Variants in ECHDC2 observed in about 807,000 individuals in gnomAD.
The protein encoded by ECHDC2 is enoyl-CoA hydratase domain containing 2.
Under a neutral mutation model 40.6 loss-of-function variants are expected in ECHDC2, and 34 were observed. That is an observed-to-expected ratio of 0.84 (90% CI 0.64 to 1.11). ECHDC2 has a LOEUF of 1.11. Among genes scored for constraint, ECHDC2 ranks in the 50% most tolerant of loss-of-function variants. The pLI is 0.00. For synonymous variants in ECHDC2, 162 were observed against 166.6 expected, an observed-to-expected ratio of 0.97 and a Z score of 0.21; for missense variants, 392 against 400.7, an observed-to-expected ratio of 0.98 and a Z score of 0.19.
intron 7 of ECHDC2, chr1:52,899,554 A>G: frequency 3.3e-6 from 1 of 306,166 alleles, no homozygotes; most frequent in South Asian, 4.6e-5. Context: ...GGCTGGTGTC[A>G]TCACTGATGA....
intron 3 of ECHDC2, among the ~76,000 whole-genome samples, chr1:52,910,649 G>A (rs1314135744): frequency 6.6e-6 from 1 of 152,078 alleles, no homozygotes; most frequent in African/African-American, 2.4e-5. Flanking sequence ...GATTACAGGC[G>A]TGAGCCACTG....
chr1:52,906,727 G>C, intron 4 of ECHDC2, 116 bp from the exon 5 acceptor site: 1 of 678,922 alleles, frequency 1.5e-6, no homozygotes, highest in Non-Finnish European at 2.5e-6. Context: ...CCAGGTCTGG[G>C]GACATTACAT....
chr1:52,921,257 G>A, intron 1 of ECHDC2: 1 of 400,750 alleles, frequency 2.5e-6, no homozygotes, highest in Non-Finnish European at 4.0e-6. Flanking sequence ...CCTGGGGGCC[G>A]CGGGGCCCAG....
At chr1:52,915,091 G>A (rs1358806370) in intron 1 of ECHDC2, 2 of 396,402 alleles carry the variant, frequency 5.0e-6, no homozygotes, top group Non-Finnish European at 1.0e-5. Flanking sequence ...TCTAGTCAGG[G>A]TGTGGGGAAG....
In ECHDC2 at chr1:52,906,574, CCCAT is replaced by C; in HGVS notation, c.398_401del (p.Asp133GlyfsTer8). 1.2e-6 allele frequency: 2 copies of C among 1,612,570 alleles called. No homozygotes were observed. Among genetic ancestry groups the C allele is most frequent in the Non-Finnish European group, 1.7e-6 (2 of 1,179,750 alleles). On this transcript the variant is annotated frameshift_variant, in exon 5 of 10. Transcript: ENST00000371522. LOFTEE classifies it high-confidence loss of function. Reference sequence around the variant, plus strand: ...GCTCTAGGCCTCCGCCCAAGGCAAACCCATCCATAGCCGCAATGGTGGGTGCAGG... The same window carrying C: ...GCTCTAGGCCTCCGCCCAAGGCAAACCCATAGCCGCAATGGTGGGTGCAGG...
In ECHDC2 at chr1:52,905,015, G is replaced by A. The variant is rs565362666; in HGVS notation, c.514+19C>T. 1 of 1,614,132 alleles carries A rather than the reference G, an allele frequency of 6.2e-7. No homozygotes were observed. The highest frequency in any genetic ancestry group is 1.3e-5 in the African/African-American group (1 of 75,038). ...CCCTGGATGGGGTGGAATTGGGCGG[G>A]TGCTGTAGTTGCGATTACCTGCCCC... On this transcript the variant is annotated intron_variant, in intron 6 of 9. Coordinates refer to ENST00000371522, the MANE Select transcript of ECHDC2 (RefSeq NM_001198961.2).
At chr1:52,907,656 G>T in intron 4 of ECHDC2, 1 of 540,236 alleles carries the variant, frequency 1.9e-6, no homozygotes, top group Non-Finnish European at 3.3e-6. Flanking sequence ...AACCCTGAGG[G>T]TGGGGCGGGA....
intron 1 of ECHDC2, among the ~76,000 whole-genome samples, chr1:52,919,549 C>G (rs950626623): frequency 1.3e-5 from 2 of 152,158 alleles, no homozygotes; most frequent in Non-Finnish European, 2.9e-5. Flanking sequence ...TGATGCATTT[C>G]TCAGAATGTA....
In ECHDC2 at chr1:52,915,204, G is replaced by A. The variant is rs184309020; in HGVS notation, c.122-3414C>T. 10 of 456,004 alleles carry A rather than the reference G, an allele frequency of 2.2e-5. No individual in the cohort carries two copies. The East Asian group carries it at 2.8e-4, about 13-fold the overall frequency. 28.2% of individuals were successfully genotyped at this position (456,004 alleles called of 1,614,324 possible). On this transcript the variant is annotated intron_variant, in intron 1 of 9. Coordinates refer to ENST00000371522, the MANE Select transcript of ECHDC2 (RefSeq NM_001198961.2). ...GGACATTTCAGGTCTTCCCAGGGCT[G>A]AAATCCAGCAGGTGCCCAGAGGAGT... is the stretch of plus-strand genomic sequence containing the variant.
At chr1:52,907,041 A>G (rs1389234267) in intron 4 of ECHDC2, 1 of 148,628 alleles carries the variant, frequency 6.7e-6, no homozygotes, top group Non-Finnish European at 1.5e-5. Context: ...TCAGCCTCCC[A>G]AACTGCTGGG....
chr1:52,907,692 CCTCT>C, intron 4 of ECHDC2, 172 bp downstream of exon 4: 1 of 577,852 alleles, frequency 1.7e-6, no homozygotes, highest in Non-Finnish European at 3.0e-6. Flanking sequence ...GCCAGAACTC[CCTCT>C]CTGAGAGAAC....
chr1:52,915,273 C>T (rs1477150715), intron 1 of ECHDC2: 1 of 455,898 alleles, frequency 2.2e-6, no homozygotes, highest in Non-Finnish European at 4.4e-6. Context: ...ATTATTATCT[C>T]CCAGGGTCCT....
chr1:52,896,772 G>A (rs1440069622), intron 9 of ECHDC2, 175 bp from the exon 10 acceptor site: 2 of 595,208 alleles, frequency 3.4e-6, no homozygotes, highest in Admixed American at 5.7e-5. Flanking sequence ...TGTCTCCTGG[G>A]GAAGACAGGC....
rs113950446 is a variant in ECHDC2, at chr1:52,897,058, A to C, written c.801+379T>G. 4.1e-3 allele frequency: 1,392 copies of C among 336,906 alleles called. 12 individuals are homozygous for C. Among genetic ancestry groups the C allele is most frequent in the African/African-American group, 0.026 (1,273 of 49,144 alleles). 20.9% of individuals were successfully genotyped at this position (336,906 alleles called of 1,614,324 possible). On this transcript the variant is annotated intron_variant, in intron 9 of 9. Coordinates refer to ENST00000371522, the MANE Select transcript of ECHDC2 (RefSeq NM_001198961.2). ...TAAGAGATTTAATAGGTCAGTCCCAAGTGTACAGCCCCTACATTGAACACA... is the reference window on the plus strand; with the variant it reads ...TAAGAGATTTAATAGGTCAGTCCCACGTGTACAGCCCCTACATTGAACACA...
At chr1:52,898,636 C>A (rs1646790210) in intron 8 of ECHDC2, 2 of 166,126 alleles carry the variant, frequency 1.2e-5, no homozygotes. Context: ...TATCTGCCCC[C>A]TCCCGGGGGC....
chr1:52,906,483 T>C (rs1302540346), intron 5 of ECHDC2, 36 bp downstream of exon 5: 14 of 1,541,790 alleles, frequency 9.1e-6, no homozygotes, highest in South Asian at 8.1e-5. Flanking sequence ...CCTGACTCCC[T>C]AGCCCCACCC....
intron 3 of ECHDC2, among the ~76,000 whole-genome samples, chr1:52,910,044 G>A (rs1387894896): frequency 6.6e-6 from 1 of 152,156 alleles, no homozygotes; most frequent in South Asian, 2.1e-4. Context: ...GAACCTTGAG[G>A]ACATGTTAAG....
intron 1 of ECHDC2, chr1:52,920,659 T>C (rs1651670788): frequency 9.7e-6 from 7 of 719,730 alleles, no homozygotes. Flanking sequence ...AACCTCTCTA[T>C]TCCCTGCCAT....
chr1:52,906,764 C>CT (rs1224675333), intron 4 of ECHDC2, among the ~76,000 whole-genome samples, 153 bp from the exon 5 acceptor site: 9,558 of 131,132 alleles, frequency 0.073, 496 homozygotes, highest in East Asian at 0.21. Context: ...TATCTTAATT[C>CT]TTTTTTTTTT....
Sources: gnomAD v4.1 joint callset for allele counts (sites outside exome capture counted in the v4.1 genomes callset) on GRCh38, gnomAD v4.1.1 for gene constraint, MANE v1.5 for transcripts, NCBI Gene and HGNC (gene_info 2026-07-23, HGNC 2026-07-21) for gene names.